Variants in POU2F1 observed in about 807,000 individuals in gnomAD.
POU2F1 encodes POU class 2 homeobox 1.
Under a neutral mutation model 84.9 loss-of-function variants are expected in POU2F1, and 16 were observed. That is an observed-to-expected ratio of 0.19 (90% CI 0.13 to 0.29). The LOEUF is 0.29. Ranked by LOEUF, POU2F1 falls within the 10% of genes least tolerant of loss-of-function variation. The probability of loss-of-function intolerance (pLI) is 1.00; values close to 1 mark genes in which losing one functional copy is unlikely to be tolerated. For synonymous variants in POU2F1, 368 were observed against 368.3 expected, an observed-to-expected ratio of 1.00 and a Z score of 0.01; for missense variants, 738 against 942.6, an observed-to-expected ratio of 0.78 and a Z score of 2.84.
chr1:167,367,597 A>T (rs995156396), intron 3 of POU2F1, among the ~76,000 whole-genome samples: 1 of 152,156 alleles, frequency 6.6e-6, no homozygotes, highest in African/African-American at 2.4e-5. Context: ...TTAACTTCCT[A>T]TTTTAAAAAA....
chr1:167,379,772 G>C (rs1321924496), intron 7 of POU2F1: 1 of 152,182 alleles, frequency 6.6e-6, no homozygotes, highest in Non-Finnish European at 1.5e-5. Flanking sequence ...TTTCAGCAAA[G>C]CCAAGGGCGT....
At chr1:167,393,877 T>C (rs892527256) in intron 9 of POU2F1, among the ~76,000 whole-genome samples, 4 of 152,196 alleles carry the variant, frequency 2.6e-5, no homozygotes, top group African/African-American at 9.6e-5. Flanking sequence ...GCACCAGCTG[T>C]AATCTAAACA....
rs1659921073 is a variant in POU2F1 at position 167,370,206 on chromosome 1, A to G, written c.274A>G (p.Asn92Asp). Residue 92 changes from asparagine to aspartate, a missense_variant, in exon 4 of 16, where the codon AAT (asparagine) becomes GAT (aspartate). This residue lies in a region of POU2F1 where 161 missense variants were observed against 147.0 expected (regional missense o/e 1.10). Transcript: ENST00000367866. ...TTTACAGGCTGCTGCTCAGTCTTTA[A>G]ATGTACAGGTAAGCTGGGACCTGGG... ...TSLQAAAQSLNVQSKSNEESG... is the reference protein window; with the variant it reads ...TSLQAAAQSLDVQSKSNEESG... The G allele has an allele frequency of 1.2e-6, 2 of 1,603,534 alleles. No individual in the cohort carries two copies. The highest frequency in any genetic ancestry group is 1.7e-6 in the Non-Finnish European group (2 of 1,172,922).
At chr1:167,304,431 G>A (rs557350090) in intron 1 of POU2F1, among the ~76,000 whole-genome samples, 1 of 152,278 alleles carries the variant, frequency 6.6e-6, no homozygotes, top group East Asian at 1.9e-4. Context: ...ACCTAGTTCT[G>A]TGTTCTTTCA....
chr1:167,260,390 A>G (rs1651468302), intron 1 of POU2F1, among the ~76,000 whole-genome samples: 1 of 152,168 alleles, frequency 6.6e-6, no homozygotes, highest in African/African-American at 2.4e-5. Flanking sequence ...TATTGTATTT[A>G]TCAGCCTTTT....
chr1:167,335,980 G>T (rs1026799483), intron 2 of POU2F1, among the ~76,000 whole-genome samples: 1 of 151,412 alleles, frequency 6.6e-6, no homozygotes, highest in Non-Finnish European at 1.5e-5. Context: ...GCAACAATTT[G>T]GAAAAACTCA....
intron 1 of POU2F1, among the ~76,000 whole-genome samples, chr1:167,232,776 G>T (rs1649160302): frequency 1.3e-5 from 2 of 151,870 alleles, no homozygotes; most frequent in Non-Finnish European, 2.9e-5. Flanking sequence ...CCGTGAAGTG[G>T]AGGTTGCAGT....
chr1:167,333,072 TAGTA>T (rs1474985451), intron 2 of POU2F1, among the ~76,000 whole-genome samples: 1 of 152,216 alleles, frequency 6.6e-6, no homozygotes, highest in Non-Finnish European at 1.5e-5. Context: ...AAAGTTATGA[TAGTA>T]AGTAGTTATA....
At chr1:167,286,417 C>T (rs1424734335) in intron 1 of POU2F1, among the ~76,000 whole-genome samples, 1 of 152,182 alleles carries the variant, frequency 6.6e-6, no homozygotes, top group Non-Finnish European at 1.5e-5. Flanking sequence ...CTGTTTAGAG[C>T]ATTCATCAAA....
intron 13 of POU2F1, among the ~76,000 whole-genome samples, chr1:167,405,235 C>G (rs1285163795): frequency 1.3e-5 from 2 of 152,034 alleles, no homozygotes; most frequent in Admixed American, 6.6e-5. Context: ...GTTGATTCCT[C>G]AGGAAGATAT....
intron 2 of POU2F1, among the ~76,000 whole-genome samples, chr1:167,360,459 C>A (rs1017604100): frequency 6.6e-6 from 1 of 152,094 alleles, no homozygotes; most frequent in Non-Finnish European, 1.5e-5. Context: ...TGCCTGTTCC[C>A]CATTGTTTAT....
chr1:167,353,266 T>C (rs1424769747), intron 2 of POU2F1, among the ~76,000 whole-genome samples: 2 of 152,170 alleles, frequency 1.3e-5, no homozygotes, highest in Admixed American at 1.3e-4. Context: ...TTTTGATTAC[T>C]GAAAAAATTG....
intron 1 of POU2F1, among the ~76,000 whole-genome samples, chr1:167,223,438 G>T (rs909247488): frequency 1.3e-5 from 2 of 152,004 alleles, no homozygotes; most frequent in African/African-American, 4.8e-5. Context: ...GTGTAGGGGT[G>T]TGTGTGAGTG....
At chr1:167,286,388 A>G (rs1653529190) in intron 1 of POU2F1, among the ~76,000 whole-genome samples, 1 of 152,154 alleles carries the variant, frequency 6.6e-6, no homozygotes, top group African/African-American at 2.4e-5. Context: ...TCAACCAGTA[A>G]GTTTCCATTC....
At chr1:167,325,907 G>A (rs1328832319) in intron 1 of POU2F1, among the ~76,000 whole-genome samples, 4 of 150,740 alleles carry the variant, frequency 2.7e-5, no homozygotes, top group Non-Finnish European at 5.9e-5. Flanking sequence ...AAAAAAACTA[G>A]TAGTGTTAAC....
chr1:167,272,025 C>G (rs6666182), intron 1 of POU2F1, among the ~76,000 whole-genome samples: 6,519 of 152,228 alleles, frequency 0.043, 178 homozygotes, highest in African/African-American at 0.079. Context: ...TTTTATGCTG[C>G]AACAGCAGAG....
chr1:167,322,578 T>G (rs1656395873), intron 1 of POU2F1, among the ~76,000 whole-genome samples: 2 of 152,208 alleles, frequency 1.3e-5, no homozygotes, highest in Non-Finnish European at 2.9e-5. Context: ...GGGAATGGCC[T>G]GAGCCAGAAA....
intron 1 of POU2F1, among the ~76,000 whole-genome samples, chr1:167,314,455 A>G (rs1655734835): frequency 6.6e-6 from 1 of 152,186 alleles, no homozygotes; most frequent in South Asian, 2.1e-4. Flanking sequence ...TGTTACAGGT[A>G]TTCTGAAAAA....
At chr1:167,303,143 T>G (rs947238904) in intron 1 of POU2F1, among the ~76,000 whole-genome samples, 3 of 144,644 alleles carry the variant, frequency 2.1e-5, no homozygotes, top group South Asian at 2.2e-4. Context: ...GGAGATCAGG[T>G]TTTTTTTTTT....
Sources: allele counts gnomAD v4.1 joint callset (sites outside exome capture counted in the v4.1 genomes callset), GRCh38; gene constraint gnomAD v4.1.1; regional missense constraint gnomAD v4.1.1; transcripts MANE v1.5; gene names NCBI Gene and HGNC (gene_info 2026-07-23, HGNC 2026-07-21).